GRIK4: variants seen among roughly 807,000 people sequenced by gnomAD.
GRIK4 encodes glutamate ionotropic receptor kainate type subunit 4.
GRIK4 carries 40 observed loss-of-function variants against 104.9 expected under a neutral mutation model. That is an observed-to-expected ratio of 0.38 (90% CI 0.30 to 0.50). The LOEUF (loss-of-function observed/expected upper bound fraction) is 0.50. Ranked by LOEUF, GRIK4 falls within the 20% of genes least tolerant of loss-of-function variation. The pLI is 0.93. For missense variants in GRIK4, 1,047 were observed against 1,308.1 expected (o/e 0.80, Z 3.08); for synonymous variants, 485 against 524.9 (o/e 0.92, Z 1.04).
intron 1 of GRIK4, among the ~76,000 whole-genome samples, chr11:120,533,153 C>A (rs1177932694): frequency 6.6e-6 from 1 of 152,084 alleles, no homozygotes; most frequent in Non-Finnish European, 1.5e-5. Context: ...AACTGCATTT[C>A]AATAAACAAG....
At chr11:120,750,350 CTTTTTTTTTTTTTTT>C (rs869135246) in intron 3 of GRIK4, among the ~76,000 whole-genome samples, 3 of 76,120 alleles carry the variant, frequency 3.9e-5, no homozygotes, top group African/African-American at 1.8e-4. Context: ...CTAGAAATCT[CTTTTTTTTTTTTTTT>C]TTTTTTTTTG....
chr11:120,874,143 C>T lies in GRIK4; in HGVS notation c.984C>T (p.Ile328=), dbSNP rs368653765. 37 of 1,613,746 alleles carry T rather than the reference C, an allele frequency of 2.3e-5. No homozygotes were observed. Among genetic ancestry groups the T allele is most frequent in the East Asian group, 2.0e-4 (9 of 44,888 alleles). Residue 328 remains isoleucine, a synonymous_variant, in exon 10 of 21, where the codon ATC becomes ATT. Transcript: ENST00000527524. Reference sequence around the variant, plus strand: ...AGGAACTGAACCGGAGCCAAGAGATCGGCGTGAAGCCCTTGTCCTGCGGCT... The same window carrying T: ...AGGAACTGAACCGGAGCCAAGAGATTGGCGTGAAGCCCTTGTCCTGCGGCT... ...AVQELNRSQE[I]GVKPLSCGSA... is the part of the protein sequence containing the mutation.
intron 3 of GRIK4, among the ~76,000 whole-genome samples, chr11:120,797,176 G>A (rs1440384388): frequency 5.3e-5 from 8 of 152,152 alleles, no homozygotes; most frequent in Admixed American, 1.3e-4. Flanking sequence ...GGGAAGCCCC[G>A]GGTCTCTGAA....
At chr11:120,847,887 C>A (rs1241973596) in intron 8 of GRIK4, among the ~76,000 whole-genome samples, 1 of 152,220 alleles carries the variant, frequency 6.6e-6, no homozygotes, top group East Asian at 1.9e-4. Flanking sequence ...CAATAGGTGT[C>A]CCTCTTCCAG....
rs944301053 is a variant in GRIK4 at position 120,677,302 on chromosome 11, A to G, written c.82+16902A>G. Among the ~76,000 whole-genome samples, 3 of 152,168 alleles carry G rather than the reference A, an allele frequency of 2.0e-5. No individual in the cohort carries two copies. The East Asian group carries it at 5.8e-4, about 29-fold the overall frequency. On this transcript the variant is annotated intron_variant, in intron 3 of 20. Coordinates refer to ENST00000527524, the MANE Select transcript of GRIK4 (RefSeq NM_014619.5). Reference sequence around the variant, plus strand: ...GCTCCGCTGGGCTCCGCTCAGAATGATGTGTTTATTTCCTGCCATGGGGTC... The same window carrying G: ...GCTCCGCTGGGCTCCGCTCAGAATGGTGTGTTTATTTCCTGCCATGGGGTC...
At chr11:120,535,412 T>C (rs897547702) in intron 1 of GRIK4, among the ~76,000 whole-genome samples, 3 of 145,340 alleles carry the variant, frequency 2.1e-5, no homozygotes, top group Admixed American at 6.8e-5. Flanking sequence ...GAAGAAGGAG[T>C]TTGGAAAAGC....
At chr11:120,752,465 C>A (rs1951573204) in intron 3 of GRIK4, among the ~76,000 whole-genome samples, 1 of 152,188 alleles carries the variant, frequency 6.6e-6, no homozygotes, top group African/African-American at 2.4e-5. Flanking sequence ...AGAGCTGTTA[C>A]AAAAGCCATA....
At chr11:120,557,581 A>G (rs1009093427) in intron 1 of GRIK4, among the ~76,000 whole-genome samples, 4 of 152,192 alleles carry the variant, frequency 2.6e-5, no homozygotes, top group Non-Finnish European at 5.9e-5. Flanking sequence ...CCCATTCATC[A>G]TGTTAAGTCA....
Position 120,905,391 on chromosome 11 carries a change from C to A in GRIK4, c.1374C>A (p.Ile458=), listed in dbSNP as rs1322435495. 3 of 1,613,910 alleles carry A rather than the reference C, an allele frequency of 1.9e-6. No homozygotes were observed. In the East Asian group the frequency reaches 6.7e-5, roughly 36 times the overall value. The part of the protein sequence containing the change: ...CVDMLKELAE[I]LRFNYKIRLV... ...ACATGCTCAAGGAGCTGGCAGAGATCCTCCGATTCAACTACAAGATCCGCC... is the reference window on the plus strand; with the variant it reads ...ACATGCTCAAGGAGCTGGCAGAGATACTCCGATTCAACTACAAGATCCGCC... Residue 458 remains isoleucine (I), a synonymous_variant, in exon 13 of 21, where the codon ATC becomes ATA. Transcript: ENST00000527524. The surrounding 1 kb of genome is among the most constrained non-coding windows in gnomAD (Gnocchi z 5.1).
chr11:120,949,856 C>T (rs950648419), intron 14 of GRIK4, among the ~76,000 whole-genome samples: 3 of 152,200 alleles, frequency 2.0e-5, no homozygotes, highest in African/African-American at 7.2e-5. Context: ...GTTCTTCCAT[C>T]TGTCAGTATG....
At chr11:120,518,516 C>T (rs1947757555) in intron 1 of GRIK4, among the ~76,000 whole-genome samples, 1 of 151,946 alleles carries the variant, frequency 6.6e-6, no homozygotes, top group Non-Finnish European at 1.5e-5. Flanking sequence ...GACGAGGGGC[C>T]CAAAGCCCAG....
chr11:120,577,000 AG>A lies in GRIK4; in HGVS notation c.-159+65115del, dbSNP rs539454366. Among the ~76,000 whole-genome samples, 192 of 152,344 alleles carry A rather than the reference AG, an allele frequency of 1.3e-3. 4 individuals carry two copies. The South Asian group carries it at 0.039, about 31-fold the overall frequency. Reference sequence around the variant, plus strand: ...TTCTTGTCGTATTTCCCCTCTCCCCAGGAGTCACCAGAAGCATCTTCTCCGC... The same window carrying A: ...TTCTTGTCGTATTTCCCCTCTCCCCAGAGTCACCAGAAGCATCTTCTCCGC... On this transcript the variant is annotated intron_variant, in intron 1 of 20. Transcript: ENST00000527524.
At chr11:120,832,066 G>T in intron 7 of GRIK4, 36 bp downstream of exon 7, 1 of 1,462,116 alleles carries the variant, frequency 6.8e-7, no homozygotes, top group Non-Finnish European at 9.4e-7. Flanking sequence ...CCCCTGCTGA[G>T]CTCCACCCTC....
chr11:120,768,762 C>T (rs1364244928), intron 3 of GRIK4, among the ~76,000 whole-genome samples: 1 of 152,136 alleles, frequency 6.6e-6, no homozygotes, highest in East Asian at 1.9e-4. Context: ...GGATGCTGAA[C>T]TTTGTTAAAT....
At chr11:120,846,940 C>G (rs555704594) in intron 8 of GRIK4, among the ~76,000 whole-genome samples, 1 of 152,286 alleles carries the variant, frequency 6.6e-6, no homozygotes, top group South Asian at 2.1e-4. Flanking sequence ...GTCCAGATCC[C>G]CCAGAGTGGG....
At chr11:120,860,245 C>T (rs1954224513) in intron 8 of GRIK4, among the ~76,000 whole-genome samples, 1 of 152,132 alleles carries the variant, frequency 6.6e-6, no homozygotes, top group African/African-American at 2.4e-5. Context: ...GAAAAGGTGG[C>T]CTGACGCACA....
At chr11:120,561,698 C>A (rs931608934) in intron 1 of GRIK4, among the ~76,000 whole-genome samples, 23 of 152,236 alleles carry the variant, frequency 1.5e-4, no homozygotes, top group Non-Finnish European at 1.0e-4. Flanking sequence ...TCTTTACTAC[C>A]ACACGATTCT....
Position 120,874,144 on chromosome 11 carries a change from G to A in GRIK4, c.985G>A (p.Gly329Ser), listed in dbSNP as rs148410637. The change falls in exon 10 of 21, where the codon GGC becomes AGC. Residue 329 changes from glycine (G) to serine (S), a missense_variant. Coordinates refer to ENST00000527524, the MANE Select transcript of GRIK4 (RefSeq NM_014619.5). ...GGAACTGAACCGGAGCCAAGAGATC[G>A]GCGTGAAGCCCTTGTCCTGCGGCTC... ...VQELNRSQEI[G>S]VKPLSCGSAQ... The A allele has an allele frequency of 3.2e-5, 52 of 1,613,798 alleles. No individual in the cohort carries two copies. Among genetic ancestry groups the A allele is most frequent in the South Asian group, 5.5e-5 (5 of 91,084 alleles).
In GRIK4 at chr11:120,988,115, T is replaced by A. The variant is rs1944786840; in HGVS notation, c.*1855T>A. ...GGCTGCCGTCCTGGGGGCCAAATGG[T>A]ACCCTGATTATTCCTGTGAGGGATA... On this transcript the variant is annotated 3_prime_UTR_variant, in exon 21 of 21. Transcript: ENST00000527524. 2 of 152,228 alleles carry A rather than the reference T, an allele frequency of 1.3e-5. No individual in the cohort carries two copies. 9.4% of individuals were successfully genotyped at this position (152,228 alleles called of 1,614,324 possible).
Sources: gnomAD v4.1 joint callset for allele counts (sites outside exome capture counted in the v4.1 genomes callset) on GRCh38, gnomAD v4.1.1 for gene constraint, Gnocchi (gnomAD v3.1) non-coding constraint, MANE v1.5 for transcripts, NCBI Gene and HGNC (gene_info 2026-07-23, HGNC 2026-07-21) for gene names.